Variants in AFF3 observed in about 807,000 individuals in gnomAD.
AFF3 encodes the protein AF4/FMR2 family member 3.
AFF3 carries 32 observed loss-of-function variants against 129.7 expected under a neutral mutation model. The ratio of observed to expected loss-of-function variants is 0.25; its 90% CI spans 0.19 to 0.33. AFF3 has a LOEUF of 0.33. Among genes scored for constraint, AFF3 ranks in the 10% least tolerant of loss-of-function variants. The probability of loss-of-function intolerance (pLI) is 1.00; values close to 1 mark genes in which losing one functional copy is unlikely to be tolerated. For missense variants in AFF3, 1,373 were observed against 1,592.0 expected, an observed-to-expected ratio of 0.86 and a Z score of 2.34; for synonymous variants, 644 against 635.4, an observed-to-expected ratio of 1.01 and a Z score of -0.20.
At chr2:99,689,575 C>T (rs1337997539) in intron 11 of AFF3, among the ~76,000 whole-genome samples, 1 of 143,276 alleles carries the variant, frequency 7.0e-6, no homozygotes, top group Non-Finnish European at 1.5e-5. Flanking sequence ...TACTCATGTG[C>T]TTCTCAGTTG....
chr2:100,131,567 C>T (rs1312061017), intron 1 of AFF3, among the ~76,000 whole-genome samples: 3 of 152,120 alleles, frequency 2.0e-5, no homozygotes, highest in Non-Finnish European at 4.4e-5. Flanking sequence ...TCAAGTGATT[C>T]TCCTGCCTCA....
intron 7 of AFF3, among the ~76,000 whole-genome samples, chr2:99,878,977 G>A (rs560764494): frequency 1.3e-5 from 2 of 152,226 alleles, no homozygotes; most frequent in Middle Eastern, 3.4e-3. Context: ...ACAAAATTAG[G>A]TAACTTCAGA....
intron 11 of AFF3, among the ~76,000 whole-genome samples, chr2:99,699,213 T>C (rs1469302684): frequency 6.6e-6 from 1 of 152,214 alleles, no homozygotes; most frequent in Non-Finnish European, 1.5e-5. Flanking sequence ...AAGAAACCTC[T>C]GCTCAGGTGT....
intron 8 of AFF3, among the ~76,000 whole-genome samples, chr2:99,795,061 G>A (rs1277366346): frequency 6.6e-6 from 1 of 152,124 alleles, no homozygotes; most frequent in Admixed American, 6.6e-5. Context: ...TATTTCTGAA[G>A]TGCTAAAATG....
chr2:99,931,500 T>C (rs972694141), intron 7 of AFF3, among the ~76,000 whole-genome samples: 51 of 152,320 alleles, frequency 3.3e-4, no homozygotes, highest in African/African-American at 1.2e-3. Flanking sequence ...TGTTGAGGTG[T>C]TGGAAGAACA....
rs1378110059 is a variant in AFF3 at position 99,869,049 on chromosome 2, TGCCTCC to T, written c.874-31531_874-31526del. On this transcript the variant is annotated intron_variant, in intron 7 of 24. Coordinates refer to ENST00000672756, the MANE Select transcript of AFF3 (RefSeq NM_001386135.1). ...CAAGTGATCCCTCTGCCTCTGCCTC[TGCCTCC>T]CAAAGTGCTAGGATTACAGGTGTGA... 2.3e-4 allele frequency among the ~76,000 whole-genome samples: 33 copies of T among 145,038 alleles called. 1 individual carries two copies. In the East Asian group the frequency reaches 6.8e-3, roughly 30 times the overall value.
chr2:99,881,828 G>A (rs182186839), intron 7 of AFF3, among the ~76,000 whole-genome samples: 4 of 152,326 alleles, frequency 2.6e-5, no homozygotes, highest in East Asian at 3.9e-4. Context: ...AGAAGGTCAT[G>A]AGCCAAATTA....
intron 8 of AFF3, among the ~76,000 whole-genome samples, chr2:99,769,651 C>T (rs1183593964): frequency 6.6e-6 from 1 of 152,166 alleles, no homozygotes; most frequent in East Asian, 1.9e-4. Context: ...GAAGGCTTTC[C>T]AGGTATTTGA....
At chr2:99,796,352 T>G (rs1293606221) in intron 8 of AFF3, among the ~76,000 whole-genome samples, 1 of 152,230 alleles carries the variant, frequency 6.6e-6, no homozygotes, top group African/African-American at 2.4e-5. Flanking sequence ...TATTACATTG[T>G]GTCATAAATT....
chr2:99,659,372 C>T (rs1487194394), intron 12 of AFF3, among the ~76,000 whole-genome samples: 4 of 152,204 alleles, frequency 2.6e-5, no homozygotes, highest in Admixed American at 6.5e-5. Flanking sequence ...TCAGACCCAA[C>T]GCTGGCTGAG....
chr2:99,588,893 TG>T (rs1210993425), intron 15 of AFF3, among the ~76,000 whole-genome samples: 1 of 152,236 alleles, frequency 6.6e-6, no homozygotes, highest in Non-Finnish European at 1.5e-5. Flanking sequence ...TCACTTCTCT[TG>T]TGTCTGTGTT....
intron 4 of AFF3, chr2:100,011,699 A>C: frequency 1.4e-6 from 1 of 706,074 alleles, no homozygotes; most frequent in Non-Finnish European, 2.6e-6. Flanking sequence ...AAGATCCCGG[A>C]GGGTCAGAAC....
chr2:99,738,328 GAA>G (rs1180906032), intron 10 of AFF3, among the ~76,000 whole-genome samples: 1 of 150,186 alleles, frequency 6.7e-6, no homozygotes, highest in Non-Finnish European at 1.5e-5. Flanking sequence ...TTTATACTCA[GAA>G]AAAAAAAGTT....
At chr2:99,972,717 T>G (rs934669197) in intron 7 of AFF3, among the ~76,000 whole-genome samples, 1 of 152,180 alleles carries the variant, frequency 6.6e-6, no homozygotes, top group African/African-American at 2.4e-5. Flanking sequence ...CTAAGTGATA[T>G]GAAGAATCTG....
At chr2:100,063,505 C>A (rs1242011524) in intron 4 of AFF3, among the ~76,000 whole-genome samples, 1 of 151,566 alleles carries the variant, frequency 6.6e-6, no homozygotes, top group Admixed American at 6.6e-5. Context: ...AATTTGCTAG[C>A]AAGATTATAC....
intron 4 of AFF3, among the ~76,000 whole-genome samples, chr2:100,101,388 T>C (rs1294681984): frequency 9.4e-5 from 14 of 149,728 alleles, no homozygotes; most frequent in African/African-American, 3.2e-4. Context: ...TAGAAAAAGT[T>C]CTTAGGGATT....
At position 99,551,215 on chromosome 2, in the gene AFF3, T is replaced by C. The variant is rs1674381055; in HGVS notation, c.*259A>G. 3.6e-6 allele frequency: 2 copies of C among 552,556 alleles called. No individual in the cohort carries two copies. The highest frequency in any genetic ancestry group is 1.9e-5 in the African/African-American group (1 of 53,634). The allele number at this position is 552,556 out of a possible 1,614,324, so 34.2% of individuals were successfully genotyped here. A position where few individuals can be genotyped will look rare whatever the true frequency, so the allele number is the denominator to read the frequency against. The stretch of plus-strand genomic sequence containing the variant: ...TCTAGTCAGAAACCTCTGATCACTT[T>C]GTCTAGCCTGGGATTATGGAAACTA... On this transcript the variant is annotated 3_prime_UTR_variant, in exon 25 of 25. Coordinates refer to ENST00000672756, the MANE Select transcript of AFF3 (RefSeq NM_001386135.1).
intron 11 of AFF3, among the ~76,000 whole-genome samples, chr2:99,706,622 A>C (rs1416204649): frequency 6.6e-6 from 1 of 152,252 alleles, no homozygotes; most frequent in Non-Finnish European, 1.5e-5. Flanking sequence ...AGAATGGAGG[A>C]AGGACTATAG....
intron 7 of AFF3, among the ~76,000 whole-genome samples, chr2:99,913,564 C>T (rs1178324707): frequency 6.6e-6 from 1 of 152,142 alleles, no homozygotes; most frequent in African/African-American, 2.4e-5. Flanking sequence ...AATGAACGGG[C>T]CTAGAACACA....
Sources: allele counts gnomAD v4.1 joint callset (sites outside exome capture counted in the v4.1 genomes callset), GRCh38; gene constraint gnomAD v4.1.1; transcripts MANE v1.5; gene names NCBI Gene and HGNC (gene_info 2026-07-23, HGNC 2026-07-21).